The following EGFLAM variants were observed in gnomAD, a reference collection of about 807,000 sequenced individuals.
EGFLAM encodes the protein pikachurin.
A neutral mutation model predicts 113.1 loss-of-function variants in EGFLAM; 79 were observed. That is an observed-to-expected ratio of 0.70 (90% CI 0.58 to 0.84). The LOEUF is 0.84. EGFLAM is among the 40% of genes least tolerant of loss of function. The pLI, the probability that EGFLAM is intolerant of heterozygous loss-of-function variation, is 0.00. For synonymous variants in EGFLAM, 504 were observed against 487.6 expected, an observed-to-expected ratio of 1.03 and a Z score of -0.44; for missense variants, 1,265 against 1,291.6, an observed-to-expected ratio of 0.98 and a Z score of 0.32.
rs376960421 is a variant in EGFLAM, at chr5:38,351,337, G to C, written c.409+719G>C. Among the ~76,000 whole-genome samples, 230 of 152,134 alleles carry C rather than the reference G, an allele frequency of 1.5e-3. 6 individuals carry two copies. In the South Asian group the frequency reaches 0.046, roughly 31 times the overall value. On this transcript the variant is annotated intron_variant, in intron 4 of 21. Coordinates refer to ENST00000322350, the MANE Select transcript of EGFLAM (RefSeq NM_152403.4). ...TTGGCCAGGCTGGTCTCGAACTCCT[G>C]ACCTCGTGATCCACCTGCCTCTGCC...
Position 38,418,070 on chromosome 5 carries a change from A to G in EGFLAM, c.1499A>G (p.Gln500Arg). The G allele has an allele frequency of 1.2e-6, 2 of 1,613,520 alleles. No homozygotes were observed. Among genetic ancestry groups the G allele is most frequent in the Non-Finnish European group, 1.7e-6 (2 of 1,179,652 alleles). ...GAGTGGTCATCTTTCTTAAAGGGCC[A>G]ATACAGTAAAATTACTTTCCGGACA... is the stretch of plus-strand genomic sequence containing the variant. ...GTPVTGQSQGQYSKITFRTPL... is the reference protein window; with the variant it reads ...GTPVTGQSQGRYSKITFRTPL... The change falls in exon 12 of 22, where the codon CAA becomes CGA. Residue 500 changes from glutamine (Q) to arginine (R), a missense_variant. Gln to Arg is a conservative substitution (Grantham distance 43). Coordinates refer to ENST00000322350, the MANE Select transcript of EGFLAM (RefSeq NM_152403.4).
intron 5 of EGFLAM, among the ~76,000 whole-genome samples, chr5:38,366,370 A>C (rs995387533): frequency 6.6e-6 from 1 of 152,220 alleles, no homozygotes; most frequent in Non-Finnish European, 1.5e-5. Flanking sequence ...ACTGATGCTC[A>C]GATGTATTTT....
intron 1 of EGFLAM, among the ~76,000 whole-genome samples, chr5:38,274,820 A>T (rs1280063059): frequency 6.6e-6 from 1 of 152,234 alleles, no homozygotes; most frequent in Non-Finnish European, 1.5e-5. Flanking sequence ...CTAATACTGT[A>T]AGGTGGTGTA....
chr5:38,437,277 G>A (rs1007810909), intron 16 of EGFLAM, among the ~76,000 whole-genome samples: 3 of 152,208 alleles, frequency 2.0e-5, no homozygotes, highest in African/African-American at 7.2e-5. Context: ...GGAATGTGCA[G>A]AGGGAGGGGA....
rs148675826 is a variant in EGFLAM at position 38,341,407 on chromosome 5, C to T, written c.291+2626C>T. 9.9e-4 allele frequency among the ~76,000 whole-genome samples: 151 copies of T among 152,308 alleles called. 1 individual carries two copies. Among genetic ancestry groups the T allele is most frequent in the African/African-American group, 3.4e-3 (140 of 41,554 alleles). On this transcript the variant is annotated intron_variant, in intron 3 of 21. Coordinates refer to ENST00000322350, the MANE Select transcript of EGFLAM (RefSeq NM_152403.4). ...ATAAAATCATCAGCTCTTGTGAGAA[C>T]TCACTCACTATCACGAGAACAGCAT...
chr5:38,464,838 T>C lies in EGFLAM; in HGVS notation c.*852T>C, dbSNP rs1016613769. The C allele has an allele frequency of 8.5e-5, 13 of 152,188 alleles. No homozygotes were observed. The highest frequency in any genetic ancestry group is 2.9e-4 in the African/African-American group (12 of 41,440). The allele number at this position is 152,188 out of a possible 1,614,324, so 9.4% of individuals were successfully genotyped here. A position where few individuals can be genotyped will look rare whatever the true frequency, so the allele number is the denominator to read the frequency against. ...TGGATAGGTAACTTGGGTGGGCAAC[T>C]TGGGGAGCTGACCATTCTCTTTTGG... On this transcript the variant is annotated 3_prime_UTR_variant, in exon 22 of 22. Coordinates refer to ENST00000322350, the MANE Select transcript of EGFLAM (RefSeq NM_152403.4).
rs1743421382 is a variant in EGFLAM at position 38,464,973 on chromosome 5, G to A, written c.*987G>A. ...CTGTCATTTTTGTTTTAAGAGTTGG[G>A]GGGAGTATCTATAGTAAACTTGAAT... On this transcript the variant is annotated 3_prime_UTR_variant, in exon 22 of 22. Transcript: ENST00000322350. 6.6e-6 allele frequency: 1 copy of A among 152,192 alleles called. No homozygotes were observed. The highest frequency in any genetic ancestry group is 2.4e-5 in the African/African-American group (1 of 41,434). 9.4% of individuals were successfully genotyped at this position (152,192 alleles called of 1,614,324 possible).
chr5:38,359,147 G>A (rs1739853466), intron 5 of EGFLAM, among the ~76,000 whole-genome samples: 1 of 152,146 alleles, frequency 6.6e-6, no homozygotes, highest in South Asian at 2.1e-4. Flanking sequence ...ATAGTATGGT[G>A]GCAATGAAAA....
rs893339632 is a variant in EGFLAM at position 38,465,179 on chromosome 5, G to A, written c.*1193G>A. On this transcript the variant is annotated 3_prime_UTR_variant, in exon 22 of 22. Transcript: ENST00000322350. Reference sequence around the variant, plus strand: ...CATCTGGGTGAGAACCAGAGAAACAGGACTTCTTCCTTCTGTACCATGAGC... The same window carrying A: ...CATCTGGGTGAGAACCAGAGAAACAAGACTTCTTCCTTCTGTACCATGAGC... Among the ~76,000 whole-genome samples the A allele has an allele frequency of 6.6e-6, 1 of 152,114 alleles. No individual in the cohort carries two copies. The highest frequency in any genetic ancestry group is 2.4e-5 in the African/African-American group (1 of 41,418).
At chr5:38,357,820 T>C (rs1035506410) in intron 5 of EGFLAM, among the ~76,000 whole-genome samples, 2 of 151,532 alleles carry the variant, frequency 1.3e-5, no homozygotes, top group African/African-American at 2.4e-5. Flanking sequence ...TCAATGGAGA[T>C]AAAGATTTCA....
At chr5:38,299,865 A>T (rs539660196) in intron 1 of EGFLAM, among the ~76,000 whole-genome samples, 4 of 152,244 alleles carry the variant, frequency 2.6e-5, no homozygotes, top group African/African-American at 9.6e-5. Flanking sequence ...GTATTTATTG[A>T]GCATGTATTA....
chr5:38,447,190 A>G (rs1286609881), intron 17 of EGFLAM, among the ~76,000 whole-genome samples: 1 of 152,164 alleles, frequency 6.6e-6, no homozygotes, highest in East Asian at 1.9e-4. Flanking sequence ...TTTGCTAACT[A>G]TGTGTAAAAG....
At chr5:38,459,268 G>A (rs1351557493) in intron 20 of EGFLAM, among the ~76,000 whole-genome samples, 1 of 151,626 alleles carries the variant, frequency 6.6e-6, no homozygotes, top group African/African-American at 2.4e-5. Context: ...GCCTCCCAAA[G>A]TGTTGGGATT....
intron 14 of EGFLAM, among the ~76,000 whole-genome samples, chr5:38,428,229 A>G (rs1233099213): frequency 6.6e-6 from 1 of 152,228 alleles, no homozygotes; most frequent in Non-Finnish European, 1.5e-5. Flanking sequence ...CTAGACTGTC[A>G]TGTTTAAAAA....
In EGFLAM at chr5:38,293,745, G is replaced by A. The variant is rs532969832; in HGVS notation, c.97+34894G>A. Among the ~76,000 whole-genome samples the A allele has an allele frequency of 9.2e-5, 14 of 152,198 alleles. No homozygotes were observed. In the South Asian group the frequency reaches 1.7e-3, roughly 18 times the overall value. On this transcript the variant is annotated intron_variant, in intron 1 of 21. Transcript: ENST00000322350. ...TCTTTATTATGATTATTCATATAGC[G>A]TATGTGATTTGGTGTCTACACATAT... is the stretch of plus-strand genomic sequence containing the variant.
At chr5:38,282,750 T>C (rs1231493533) in intron 1 of EGFLAM, 2 of 152,250 alleles carry the variant, frequency 1.3e-5, no homozygotes, top group Admixed American at 6.5e-5. Context: ...TTATACACTG[T>C]ATATATCATG....
intron 5 of EGFLAM, among the ~76,000 whole-genome samples, chr5:38,355,060 G>A (rs972488086): frequency 1.3e-5 from 2 of 152,076 alleles, no homozygotes; most frequent in African/African-American, 4.8e-5. Context: ...AAAGAGAGCC[G>A]GAGATAAGGA....
intron 1 of EGFLAM, among the ~76,000 whole-genome samples, chr5:38,277,711 C>T (rs1387212901): frequency 1.3e-5 from 2 of 152,026 alleles, no homozygotes; most frequent in Non-Finnish European, 2.9e-5. Context: ...AGTAAAGTTG[C>T]AGGATACAAA....
intron 19 of EGFLAM, among the ~76,000 whole-genome samples, chr5:38,452,410 C>T (rs1561103188): frequency 6.6e-6 from 1 of 152,290 alleles, no homozygotes; most frequent in Admixed American, 6.5e-5. Context: ...ATAGGAACTG[C>T]ATGGCAGAGC....
Sources: gnomAD v4.1 joint callset for allele counts (sites outside exome capture counted in the v4.1 genomes callset) on GRCh38, gnomAD v4.1.1 for gene constraint, MANE v1.5 for transcripts, NCBI Gene and HGNC (gene_info 2026-07-23, HGNC 2026-07-21) for gene names.